The following CPEB4 variants were observed in gnomAD, a reference collection of about 807,000 sequenced individuals.
CPEB4 encodes the protein cytoplasmic polyadenylation element binding protein 4.
CPEB4 carries 12 observed loss-of-function variants against 72.5 expected under a neutral mutation model. The observed-to-expected ratio is 0.17, with a 90% CI of 0.11 to 0.27. The LOEUF (loss-of-function observed/expected upper bound fraction) is 0.27, where lower values mean the gene tolerates loss of function less well. Ranked by LOEUF, CPEB4 falls within the 10% of genes least tolerant of loss-of-function variation. The probability of loss-of-function intolerance (pLI) is 1.00; values close to 1 mark genes in which losing one functional copy is unlikely to be tolerated. For synonymous variants in CPEB4, 302 were observed against 326.3 expected (o/e 0.93, Z 0.80); for missense variants, 614 against 908.5 (o/e 0.68, Z 4.17).
intron 1 of CPEB4, among the ~76,000 whole-genome samples, chr5:173,898,153 A>G (rs1363838817): frequency 6.6e-6 from 1 of 152,182 alleles, no homozygotes; most frequent in Non-Finnish European, 1.5e-5. Context: ...CTAAGTTATA[A>G]TTAGTTCCTC....
At chr5:173,944,235 G>A (rs1021988145) in intron 4 of CPEB4, among the ~76,000 whole-genome samples, 1 of 152,094 alleles carries the variant, frequency 6.6e-6, no homozygotes, top group African/African-American at 2.4e-5. Flanking sequence ...ACACAATGAA[G>A]TTGGAATATA....
In CPEB4 at chr5:173,959,183, C is replaced by G. The variant is rs1334073281; in HGVS notation, c.*3046C>G. 6.5e-6 allele frequency: 1 copy of G among 152,798 alleles called. No homozygotes were observed. Among genetic ancestry groups the G allele is most frequent in the Non-Finnish European group, 1.5e-5 (1 of 68,034 alleles). 9.5% of individuals were successfully genotyped at this position (152,798 alleles called of 1,614,324 possible). A position where few individuals can be genotyped will look rare whatever the true frequency, so the allele number is the denominator to read the frequency against. ...ACTTCAATTCACCAAGCATGTAGTTCTAGCGCACTAGCATGGCGCCAGCCA... is the reference window on the plus strand; with the variant it reads ...ACTTCAATTCACCAAGCATGTAGTTGTAGCGCACTAGCATGGCGCCAGCCA... On this transcript the variant is annotated 3_prime_UTR_variant, in exon 10 of 10. Transcript: ENST00000265085.
At chr5:173,913,695 G>T (rs1271798984) in intron 2 of CPEB4, among the ~76,000 whole-genome samples, 2 of 151,876 alleles carry the variant, frequency 1.3e-5, no homozygotes, top group African/African-American at 2.4e-5. Context: ...GATATTATAG[G>T]GATAATCAAA....
intron 3 of CPEB4, among the ~76,000 whole-genome samples, chr5:173,934,064 A>G (rs1235850017): frequency 6.6e-6 from 1 of 152,150 alleles, no homozygotes; most frequent in African/African-American, 2.4e-5. Context: ...ACATGCTTGT[A>G]GTCCCAACTA....
In CPEB4 at chr5:173,960,422, C is replaced by G. The variant is rs184586739; in HGVS notation, c.*4285C>G. The stretch of plus-strand genomic sequence containing the variant: ...TACTGTTCAGCTAATGCAGCACAAA[C>G]CAATAGGAAAAAATCTTCAGTCATA... On this transcript the variant is annotated 3_prime_UTR_variant, in exon 10 of 10. Coordinates refer to ENST00000265085, the MANE Select transcript of CPEB4 (RefSeq NM_030627.4). The G allele has an allele frequency of 1.3e-5, 2 of 152,562 alleles. No homozygotes were observed. Among genetic ancestry groups the G allele is most frequent in the African/African-American group, 4.8e-5 (2 of 41,536 alleles). The allele number at this position is 152,562 out of a possible 1,614,324, so 9.5% of individuals were successfully genotyped here. A position where few individuals can be genotyped will look rare whatever the true frequency, so the allele number is the denominator to read the frequency against.
rs144418643 is a variant in CPEB4, at chr5:173,948,419, C to T, written c.1457-1089C>T. ...GTGTGGTGGTATGCACCTGTAATCCCAGCTACTTGGGAAGTTGAGGCAGCA... is the reference window on the plus strand; with the variant it reads ...GTGTGGTGGTATGCACCTGTAATCCTAGCTACTTGGGAAGTTGAGGCAGCA... On this transcript the variant is annotated intron_variant, in intron 5 of 9. Transcript: ENST00000265085. Among the ~76,000 whole-genome samples, 834 of 152,220 alleles carry T rather than the reference C, an allele frequency of 5.5e-3. 11 individuals are homozygous for T. Among genetic ancestry groups the T allele is most frequent in the African/African-American group, 0.019 (792 of 41,520 alleles).
At chr5:173,908,674 AAAAAAAT>A (rs1245567479) in intron 1 of CPEB4, among the ~76,000 whole-genome samples, 1 of 152,090 alleles carries the variant, frequency 6.6e-6, no homozygotes, top group Non-Finnish European at 1.5e-5. Context: ...GGTCCATCCA[AAAAAAAT>A]AAAAAATAAA....
At chr5:173,943,089 T>G (rs368939397) in intron 4 of CPEB4, 40 bp downstream of exon 4, 2 of 1,600,932 alleles carry the variant, frequency 1.2e-6, no homozygotes, top group African/African-American at 2.7e-5. Flanking sequence ...CACTTGTATT[T>G]GGAGACGACC....
intron 2 of CPEB4, among the ~76,000 whole-genome samples, chr5:173,923,762 G>C (rs531334609): frequency 4.0e-5 from 6 of 151,550 alleles, no homozygotes; most frequent in Non-Finnish European, 8.8e-5. Flanking sequence ...TAGTTTTGCC[G>C]AGTTTTTTAG....
intron 5 of CPEB4, among the ~76,000 whole-genome samples, chr5:173,949,258 G>A (rs1758136270): frequency 6.6e-6 from 1 of 152,126 alleles, no homozygotes; most frequent in Admixed American, 6.6e-5. Context: ...AAAGATGCTG[G>A]CTGGCTGGCT....
rs188834602 is a variant in CPEB4 at position 173,920,385 on chromosome 5, A to G, written c.1207+9781A>G. Among the ~76,000 whole-genome samples the G allele has an allele frequency of 2.0e-5, 3 of 152,370 alleles. No individual in the cohort carries two copies. In the East Asian group the frequency reaches 5.8e-4, roughly 29 times the overall value. ...TAATTCTGAAGAGCAGCCCTGATTA[A>G]TTGAAATATAAATAACTTTTAAAAA... On this transcript the variant is annotated intron_variant, in intron 2 of 9. Transcript: ENST00000265085.
chr5:173,890,022 T>G lies in CPEB4; in HGVS notation c.289T>G (p.Ser97Ala), dbSNP rs1304505924. 1 of 1,613,978 alleles carries G rather than the reference T, an allele frequency of 6.2e-7. No homozygotes were observed. The highest frequency in any genetic ancestry group is 8.5e-7 in the Non-Finnish European group (1 of 1,180,026). ...QQDPLEKQQLSPSPGQEAGIL... is the reference protein window; with the variant it reads ...QQDPLEKQQLAPSPGQEAGIL... ...AGACCCCTTAGAAAAGCAGCAGCTT[T>G]CCCCAAGTCCAGGTCAGGAAGCTGG... The change falls in exon 1 of 10, where the codon TCC (serine) becomes GCC (alanine). Residue 97 changes from serine to alanine, a missense_variant. Transcript: ENST00000265085.
In CPEB4 at chr5:173,956,851, A is replaced by T. The variant is rs1254210316; in HGVS notation, c.*714A>T. The T allele has an allele frequency of 2.6e-5, 4 of 152,530 alleles. No homozygotes were observed. The highest frequency in any genetic ancestry group is 4.8e-5 in the African/African-American group (2 of 41,454). The allele number at this position is 152,530 out of a possible 1,614,324, so 9.4% of individuals were successfully genotyped here. A position where few individuals can be genotyped will look rare whatever the true frequency, so the allele number is the denominator to read the frequency against. On this transcript the variant is annotated 3_prime_UTR_variant, in exon 10 of 10. Coordinates refer to ENST00000265085, the MANE Select transcript of CPEB4 (RefSeq NM_030627.4). The stretch of plus-strand genomic sequence containing the variant: ...AAAAAAAAAATAGTAAAGTAGGCAG[A>T]GCTAGGTTTATTTTCTCTTAAACAA...
chr5:173,904,972 G>GATA (rs370259283), intron 1 of CPEB4, among the ~76,000 whole-genome samples: 8,860 of 125,056 alleles, frequency 0.071, 422 homozygotes, highest in African/African-American at 0.13. Context: ...CCCTGTCTCA[G>GATA]ATAATAATAA....
rs781646648 is a variant in CPEB4 at position 173,953,088 on chromosome 5, T to C, written c.1781-3T>C. The C allele has an allele frequency of 5.0e-6, 8 of 1,591,426 alleles. No homozygotes were observed. In the South Asian group the frequency reaches 9.0e-5, roughly 18 times the overall value. On this transcript the variant is annotated splice_polypyrimidine_tract_variant and splice_region_variant and intron_variant, in intron 8 of 9. Transcript: ENST00000265085. ...ATATCCTCCTTGTTCCTTTCTTAAT[T>C]AGTGGAGCTTGCGATGATAATGGAT...
intron 5 of CPEB4, among the ~76,000 whole-genome samples, chr5:173,948,368 G>A (rs1369772421): frequency 6.6e-6 from 1 of 152,120 alleles, no homozygotes; most frequent in African/African-American, 2.4e-5. Flanking sequence ...GAGAAACCAG[G>A]CGATCAAGAT....
Position 173,889,569 on chromosome 5 carries a change from A to G in CPEB4, c.-165A>G. ...TTTTTCTTTCAGAGACCAGAATTCC[A>G]AATCAGAACAATTTAAGGTGATAAG... is the stretch of plus-strand genomic sequence containing the variant. On this transcript the variant is annotated 5_prime_UTR_variant, in exon 1 of 10. Transcript: ENST00000265085. 2 of 550,292 alleles carry G rather than the reference A, an allele frequency of 3.6e-6. No individual in the cohort carries two copies. The highest frequency in any genetic ancestry group is 6.3e-6 in the Non-Finnish European group (2 of 317,178). 34.1% of individuals were successfully genotyped at this position (550,292 alleles called of 1,614,324 possible).
At chr5:173,906,096 G>A (rs928361009) in intron 1 of CPEB4, among the ~76,000 whole-genome samples, 6 of 152,112 alleles carry the variant, frequency 3.9e-5, no homozygotes, top group African/African-American at 1.4e-4. Context: ...TTTGGGAAAT[G>A]GATTCTAGAA....
At chr5:173,918,979 G>T (rs1179895610) in intron 2 of CPEB4, among the ~76,000 whole-genome samples, 2 of 151,988 alleles carry the variant, frequency 1.3e-5, no homozygotes, top group East Asian at 3.9e-4. Flanking sequence ...GTAGATGGGG[G>T]AAGTATTATA....
Sources: gnomAD v4.1 joint callset for allele counts (sites outside exome capture counted in the v4.1 genomes callset) on GRCh38, gnomAD v4.1.1 for gene constraint, MANE v1.5 for transcripts, NCBI Gene and HGNC (gene_info 2026-07-23, HGNC 2026-07-21) for gene names.